CELF2: variants seen among roughly 807,000 people sequenced by gnomAD.
CELF2 encodes the protein CUG triplet repeat RNA-binding protein 2.
In CELF2, 8 loss-of-function variants were observed where a neutral mutation model predicts 62.6. The observed-to-expected ratio is 0.13, with a 90% confidence interval of 0.07 to 0.23. CELF2 has a LOEUF of 0.23. CELF2 is among the 10% of genes least tolerant of loss of function. The pLI is 1.00. For missense variants in CELF2, 333 were observed against 671.0 expected (o/e 0.50, Z 5.56); for synonymous variants, 258 against 250.0 (o/e 1.03, Z -0.30).
Position 11,211,803 on chromosome 10 carries a change from AGAGAGAGAGAGT to A in CELF2, c.272-5620_272-5609del, listed in dbSNP as rs1421961046. Among the ~76,000 whole-genome samples, 10 of 117,988 alleles carry A rather than the reference AGAGAGAGAGAGT, an allele frequency of 8.5e-5. No homozygotes were observed. The highest frequency in any genetic ancestry group is 1.2e-4 in the Non-Finnish European group (7 of 57,912). The allele number at this position is 117,988 out of a possible 152,430, so 77.4% of individuals were successfully genotyped here. On this transcript the variant is annotated intron_variant, in intron 2 of 12. Transcript: ENST00000633077. The surrounding 1 kb of genome is among the most constrained non-coding windows in gnomAD (Gnocchi z 4.8). The stretch of plus-strand genomic sequence containing the variant: ...GTGTGTATGTGTGTGAGAGAGAGAG[AGAGAGAGAGAGT>A]GTGTGTGTGTGTGTGTGTGTGTGTG...
the CELF2 span, among the ~76,000 whole-genome samples, chr10:10,587,900 A>T: frequency 2.6e-5 from 4 of 152,144 alleles, no homozygotes; most frequent in African/African-American, 9.7e-5. Flanking sequence ...TGTTATAAAT[A>T]GATACCCGCA....
the CELF2 span, among the ~76,000 whole-genome samples, chr10:10,541,242 C>CAA: frequency 0.22 from 25,016 of 112,728 alleles, 3,301 homozygotes; most frequent in Non-Finnish European, 0.31. Context: ...GACCCCATCT[C>CAA]AAAAAAAAAA....
rs897535530 is a variant in CELF2, at chr10:10,928,165, T to C, written c.89+8166T>C. Among the ~76,000 whole-genome samples the C allele has an allele frequency of 1.8e-4, 27 of 152,208 alleles. No individual in the cohort carries two copies. The highest frequency in any genetic ancestry group is 7.9e-4 in the Admixed American group (12 of 15,284). On this transcript the variant is annotated intron_variant, in intron 2 of 13. Coordinates refer to the CELF2 transcript ENST00000636488. This position sits in a 1 kb window ranked among gnomAD's most constrained non-coding sequence, Gnocchi z 4.8. ...TTGTCATCTATTTTTTATTTGTTGATTTATAAATGATCTGTTCCCTTCCCC... is the reference window on the plus strand; with the variant it reads ...TTGTCATCTATTTTTTATTTGTTGACTTATAAATGATCTGTTCCCTTCCCC...
At chr10:11,086,578 T>TAA (rs1168932032) in intron 1 of CELF2, among the ~76,000 whole-genome samples, 1,824 of 71,830 alleles carry the variant, frequency 0.025, 190 homozygotes, top group Middle Eastern at 0.034. Flanking sequence ...TTGCATTTGT[T>TAA]AAAAAAAAAA....
chr10:11,062,817 C>G (rs766582040), intron 1 of CELF2, among the ~76,000 whole-genome samples: 5 of 152,130 alleles, frequency 3.3e-5, no homozygotes, highest in Non-Finnish European at 7.4e-5. Flanking sequence ...AAAAGAAGTT[C>G]TAACATGGGC....
chr10:10,650,995 C>G, the CELF2 span, among the ~76,000 whole-genome samples: 1 of 151,684 alleles, frequency 6.6e-6, no homozygotes, highest in Non-Finnish European at 1.5e-5. Context: ...AGACAGTGGG[C>G]GCAGGCCAGT....
intron 1 of CELF2, among the ~76,000 whole-genome samples, chr10:10,803,288 C>G (rs1322740847): frequency 1.3e-5 from 2 of 152,232 alleles, no homozygotes; most frequent in African/African-American, 4.8e-5. Flanking sequence ...AGCCAGTATC[C>G]TTATTTTAAC....
chr10:10,530,113 A>G, the CELF2 span, among the ~76,000 whole-genome samples: 1 of 152,258 alleles, frequency 6.6e-6, no homozygotes, highest in East Asian at 1.9e-4. Flanking sequence ...CTCATGCAAG[A>G]AAGAATTCAG....
At chr10:10,715,806 C>T in the CELF2 span, among the ~76,000 whole-genome samples, 9 of 152,268 alleles carry the variant, frequency 5.9e-5, no homozygotes, top group South Asian at 1.9e-3. Context: ...AATAGCTATG[C>T]ACAAAGCTCC....
chr10:10,492,955 G>GT, the CELF2 span, among the ~76,000 whole-genome samples: 8 of 152,120 alleles, frequency 5.3e-5, no homozygotes, highest in Admixed American at 1.3e-4. Context: ...GTAGTAAGAC[G>GT]TGCCTTTCAC....
the CELF2 span, among the ~76,000 whole-genome samples, chr10:10,583,692 C>T: frequency 0.32 from 47,830 of 151,822 alleles, 7,897 homozygotes; most frequent in East Asian, 0.6. Flanking sequence ...GTAGAATATA[C>T]TTACAGAATG....
intron 2 of CELF2, among the ~76,000 whole-genome samples, chr10:11,199,142 G>C (rs2058651267): frequency 6.6e-6 from 1 of 152,164 alleles, no homozygotes; most frequent in South Asian, 2.1e-4. Flanking sequence ...AGGAAGAAAT[G>C]AACAGTTTTA....
chr10:11,121,061 G>T (rs1325275071), intron 1 of CELF2, among the ~76,000 whole-genome samples: 1 of 152,146 alleles, frequency 6.6e-6, no homozygotes. Context: ...TCCTGTCGTG[G>T]ACAGAAATCA....
At chr10:10,520,331 T>C in the CELF2 span, among the ~76,000 whole-genome samples, 1 of 152,022 alleles carries the variant, frequency 6.6e-6, no homozygotes, top group African/African-American at 2.4e-5. Flanking sequence ...CCCAACAATA[T>C]CCAGAGCAAG....
chr10:10,549,124 A>G, the CELF2 span, among the ~76,000 whole-genome samples: 1 of 152,218 alleles, frequency 6.6e-6, no homozygotes, highest in African/African-American at 2.4e-5. Flanking sequence ...ATGGAGAGAC[A>G]AGGGTAGCTA....
chr10:10,639,129 A>G, the CELF2 span, among the ~76,000 whole-genome samples: 2 of 152,238 alleles, frequency 1.3e-5, no homozygotes, highest in Admixed American at 1.3e-4. Flanking sequence ...TCATAAGAAA[A>G]TAAAATATGT....
Position 10,957,085 on chromosome 10 carries a change from C to T in CELF2, c.89+37086C>T, listed in dbSNP as rs577940667. Among the ~76,000 whole-genome samples, 33 of 152,260 alleles carry T rather than the reference C, an allele frequency of 2.2e-4. No individual in the cohort carries two copies. The highest frequency in any genetic ancestry group is 7.5e-4 in the African/African-American group (31 of 41,554). ...AGCACTTCAGGATCAAGTGTAGACT[C>T]TTGCACAAGGGAGCTCTGGAAGTAT... On this transcript the variant is annotated intron_variant, in intron 2 of 13. Coordinates refer to the CELF2 transcript ENST00000636488. This position sits in a 1 kb window ranked among gnomAD's most constrained non-coding sequence, Gnocchi z 4.1.
intron 1 of CELF2, among the ~76,000 whole-genome samples, chr10:11,161,090 G>C (rs930194007): frequency 3.3e-5 from 5 of 152,204 alleles, no homozygotes; most frequent in African/African-American, 1.2e-4. Context: ...CATATACTCT[G>C]TTGATCTAGT....
intron 1 of CELF2, among the ~76,000 whole-genome samples, chr10:11,069,139 C>T (rs973129039): frequency 1.3e-5 from 2 of 152,150 alleles, no homozygotes; most frequent in Non-Finnish European, 2.9e-5. Flanking sequence ...CTTGAGTTTT[C>T]TTACTGCATG....
Sources: gnomAD v4.1 joint callset for allele counts (sites outside exome capture counted in the v4.1 genomes callset) on GRCh38, gnomAD v4.1.1 for gene constraint, Gnocchi (gnomAD v3.1) non-coding constraint, MANE v1.5 for transcripts, NCBI Gene and HGNC (gene_info 2026-07-23, HGNC 2026-07-21) for gene names.